The following BTD variants were observed in gnomAD, a reference collection of about 807,000 sequenced individuals.
The protein encoded by BTD is biocytinase.
A neutral mutation model predicts 17.7 loss-of-function variants in BTD; 13 were observed. That is an observed-to-expected ratio of 0.74 (90% CI 0.48 to 1.17). The LOEUF (loss-of-function observed/expected upper bound fraction) is 1.17. Ranked by LOEUF, BTD falls within the 50% of genes most tolerant of loss-of-function variation. The pLI is 0.00. For missense variants in BTD, 674 were observed against 650.4 expected (o/e 1.04, Z -0.39); for synonymous variants, 240 against 245.2 (o/e 0.98, Z 0.20).
chr3:15,716,281 C>CTTT (rs373633047), downstream of BTD, among the ~76,000 whole-genome samples: 8 of 113,664 alleles, frequency 7.0e-5, no homozygotes, highest in East Asian at 2.6e-4. Context: ...CGCACCTGGA[C>CTTT]TTTTTTTTTT....
chr3:15,624,408 C>A (rs2065021628), intron 1 of BTD, among the ~76,000 whole-genome samples: 1 of 151,692 alleles, frequency 6.6e-6, no homozygotes, highest in Non-Finnish European at 1.5e-5. Context: ...TTTTTTCAGT[C>A]TTTTTTCTCT....
chr3:15,695,271 G>A (rs2069369269), intron 3 of BTD: 1 of 1,271,926 alleles, frequency 7.9e-7, no homozygotes, highest in African/African-American at 1.5e-5. Context: ...TCTATATTAA[G>A]TCTCAACTTA....
At chr3:15,679,310 G>C (rs2125686277) in intron 3 of BTD, 1 of 1,613,790 alleles carries the variant, frequency 6.2e-7, no homozygotes, top group Non-Finnish European at 8.5e-7. Context: ...CCTTCCTTTT[G>C]AATCTGTGGC....
In BTD at chr3:15,650,249, C is replaced by T. The variant is rs539622287; in HGVS notation, c.*4761C>T. Among the ~76,000 whole-genome samples the T allele has an allele frequency of 7.9e-4, 121 of 152,240 alleles. No individual in the cohort carries two copies. The highest frequency in any genetic ancestry group is 2.7e-3 in the African/African-American group (114 of 41,526). ...AAAAAACACAACGAAACATTATTTCCGTTTGGAAAGTTTTTTTATTTTTGT... is the reference window on the plus strand; with the variant it reads ...AAAAAACACAACGAAACATTATTTCTGTTTGGAAAGTTTTTTTATTTTTGT... On this transcript the variant is annotated 3_prime_UTR_variant, in exon 4 of 4. Coordinates refer to ENST00000643237, the MANE Select transcript of BTD (RefSeq NM_001370658.1).
Position 15,645,475 on chromosome 3 carries a change from A to G in BTD, c.1559A>G (p.Tyr520Cys), listed in dbSNP as rs397514431. 1.9e-6 allele frequency: 3 copies of G among 1,607,142 alleles called. No homozygotes were observed. Among genetic ancestry groups the G allele is most frequent in the South Asian group, 1.1e-5 (1 of 91,090 alleles). ...LVTAALYGRL[Y>C]ERD ...ACGGCGGCTCTCTATGGGCGCTTGTATGAGAGGGACTAGGAAAAGTGTGTG... is the reference window on the plus strand; with the variant it reads ...ACGGCGGCTCTCTATGGGCGCTTGTGTGAGAGGGACTAGGAAAAGTGTGTG... The change falls in exon 4 of 4, where the codon TAT (tyrosine) becomes TGT (cysteine). Residue 520 changes from tyrosine to cysteine, a missense_variant. Coordinates refer to ENST00000643237, the MANE Select transcript of BTD (RefSeq NM_001370658.1).
intron 3 of BTD, chr3:15,678,350 G>T (rs761818731): frequency 1.1e-5 from 18 of 1,589,958 alleles, no homozygotes; most frequent in Non-Finnish European, 1.4e-5. Context: ...GCATGGAGAG[G>T]AGTTCTGTGA....
intron 1 of BTD, among the ~76,000 whole-genome samples, chr3:15,620,640 C>A (rs576338865): frequency 6.6e-6 from 1 of 152,062 alleles, no homozygotes; most frequent in African/African-American, 2.4e-5. Flanking sequence ...CTTCAGCCTA[C>A]GAAGATAACA....
At chr3:15,694,043 T>G (rs1305750522) in intron 3 of BTD, among the ~76,000 whole-genome samples, 7 of 152,100 alleles carry the variant, frequency 4.6e-5, no homozygotes, top group African/African-American at 2.4e-5. Context: ...GTCTCCTGAT[T>G]CTCAAAGTAC....
At position 15,650,767 on chromosome 3, in the gene BTD, G is replaced by A. The variant is rs939003765; in HGVS notation, c.*5279G>A. Among the ~76,000 whole-genome samples the A allele has an allele frequency of 6.6e-6, 1 of 152,128 alleles. No individual in the cohort carries two copies. The highest frequency in any genetic ancestry group is 1.5e-5 in the Non-Finnish European group (1 of 68,012). On this transcript the variant is annotated 3_prime_UTR_variant, in exon 4 of 4. Transcript: ENST00000643237. Reference sequence around the variant, plus strand: ...TGAATCAATGATCGGCCAGAGAGCTGTGATATTCTTTTGTTTTTTTGAGAT... The same window carrying A: ...TGAATCAATGATCGGCCAGAGAGCTATGATATTCTTTTGTTTTTTTGAGAT...
chr3:15,612,412 T>C (rs747347018), intron 1 of BTD, among the ~76,000 whole-genome samples: 11 of 152,220 alleles, frequency 7.2e-5, no homozygotes, highest in Non-Finnish European at 1.5e-4. Context: ...ATATTTTATT[T>C]TCTGGAAGGA....
intron 2 of BTD, 147 bp from the exon 3 acceptor site, chr3:15,641,761 G>A (rs935886297): frequency 5.8e-6 from 4 of 689,892 alleles, no homozygotes; most frequent in Admixed American, 4.1e-5. Flanking sequence ...TCTCTGAGGA[G>A]AGTAAAGACA....
chr3:15,714,568 T>C (rs748055908), downstream of BTD: 1 of 1,379,124 alleles, frequency 7.3e-7, no homozygotes, highest in South Asian at 1.4e-5. Context: ...AAAACAGAAA[T>C]ACTTTTTACC....
At chr3:15,690,025 C>T in intron 3 of BTD, 1 of 1,605,544 alleles carries the variant, frequency 6.2e-7, no homozygotes, top group Non-Finnish European at 8.5e-7. Context: ...ATACCTGCTG[C>T]ATGAATAGGT....
downstream of BTD, among the ~76,000 whole-genome samples, chr3:15,717,087 G>T (rs1000233079): frequency 3.9e-5 from 6 of 152,150 alleles, no homozygotes; most frequent in Non-Finnish European, 8.8e-5. Flanking sequence ...AGGCCCCAGG[G>T]TTAAGTGATT....
intron 3 of BTD, among the ~76,000 whole-genome samples, chr3:15,664,144 T>C (rs2065954219): frequency 6.6e-6 from 1 of 152,158 alleles, no homozygotes; most frequent in Non-Finnish European, 1.5e-5. Flanking sequence ...ATCCAGCTGG[T>C]TGATGGTGTT....
intron 1 of BTD, chr3:15,633,014 C>G (rs561910046): frequency 2.6e-5 from 4 of 152,370 alleles, no homozygotes; most frequent in Non-Finnish European, 5.9e-5. Context: ...CTCAGATGCT[C>G]AAGTCCCTTA....
intron 1 of BTD, among the ~76,000 whole-genome samples, chr3:15,609,878 C>A (rs1003630570): frequency 6.7e-6 from 1 of 149,118 alleles, no homozygotes; most frequent in African/African-American, 2.5e-5. Context: ...AACTGGTCTT[C>A]CTTATTTTTT....
chr3:15,678,254 T>A (rs753880632), intron 3 of BTD: 1 of 1,612,654 alleles, frequency 6.2e-7, no homozygotes, highest in South Asian at 1.1e-5. Context: ...ATAAGAGGTG[T>A]TTTCCCTGTA....
At chr3:15,721,415 T>C (rs1024348724) in intron 4 of BTD, among the ~76,000 whole-genome samples, 3 of 152,234 alleles carry the variant, frequency 2.0e-5, no homozygotes, top group Non-Finnish European at 4.4e-5. Flanking sequence ...CAGGGAAACG[T>C]AAACTAATGT....
Sources: gnomAD v4.1 joint callset for allele counts (sites outside exome capture counted in the v4.1 genomes callset) on GRCh38, gnomAD v4.1.1 for gene constraint, MANE v1.5 for transcripts, NCBI Gene and HGNC (gene_info 2026-07-23, HGNC 2026-07-21) for gene names.